Variants in DAB1 observed in about 807,000 individuals in gnomAD.
The protein encoded by DAB1 is disabled homolog 1.
Under a neutral mutation model 64.6 loss-of-function variants are expected in DAB1, and 15 were observed. The observed-to-expected ratio is 0.23, with a 90% CI of 0.16 to 0.36. The LOEUF (loss-of-function observed/expected upper bound fraction) is 0.36, where lower values mean the gene tolerates loss of function less well. Ranked by LOEUF, DAB1 falls within the 10% of genes least tolerant of loss-of-function variation. The pLI, the probability that DAB1 is intolerant of heterozygous loss-of-function variation, is 1.00. For missense variants in DAB1, 596 were observed against 706.7 expected, an observed-to-expected ratio of 0.84 and a Z score of 1.78; for synonymous variants, 235 against 251.9, an observed-to-expected ratio of 0.93 and a Z score of 0.64.
chr1:58,236,219 C>T (rs190408193), intron 4 of DAB1, among the ~76,000 whole-genome samples: 8 of 152,008 alleles, frequency 5.3e-5, no homozygotes, highest in African/African-American at 1.7e-4. Context: ...TTTCTCCCTT[C>T]TTCCAATAAA....
chr1:57,832,364 C>A (rs1349676817), intron 1 of DAB1, among the ~76,000 whole-genome samples: 1 of 152,198 alleles, frequency 6.6e-6, no homozygotes, highest in Non-Finnish European at 1.5e-5. Flanking sequence ...TGGATAGCCA[C>A]TCTTGTCACG....
At chr1:58,412,026 A>C (rs1644677065) in intron 3 of DAB1, among the ~76,000 whole-genome samples, 1 of 152,182 alleles carries the variant, frequency 6.6e-6, no homozygotes, top group African/African-American at 2.4e-5. Flanking sequence ...GCTATGTTGC[A>C]CAAAGAATAA....
intron 3 of DAB1, among the ~76,000 whole-genome samples, chr1:57,136,843 C>T (rs1313212640): frequency 1.3e-5 from 2 of 152,118 alleles, no homozygotes; most frequent in South Asian, 2.1e-4. Flanking sequence ...GTTTCTAACA[C>T]ATTGTATAGA....
At chr1:57,148,293 T>A (rs1260392947) in intron 2 of DAB1, among the ~76,000 whole-genome samples, 1 of 152,166 alleles carries the variant, frequency 6.6e-6, no homozygotes, top group Non-Finnish European at 1.5e-5. Context: ...TAAGAAAATA[T>A]TAGGCCATTT....
chr1:57,004,676 T>G (rs1645999707), intron 14 of DAB1, among the ~76,000 whole-genome samples: 1 of 152,212 alleles, frequency 6.6e-6, no homozygotes. Context: ...GAGTTTTACA[T>G]TCCTTGGCTT....
intron 4 of DAB1, among the ~76,000 whole-genome samples, chr1:58,288,413 C>T (rs1053247056): frequency 1.3e-5 from 2 of 152,070 alleles, no homozygotes; most frequent in Non-Finnish European, 2.9e-5. Context: ...AAAAGGTGCC[C>T]GGTAGCAATC....
intron 5 of DAB1, among the ~76,000 whole-genome samples, chr1:57,967,114 G>T (rs546117115): frequency 1.5e-4 from 23 of 152,300 alleles, no homozygotes; most frequent in African/African-American, 5.3e-4. Context: ...TCAGGGCAAG[G>T]CCTGTTGCAT....
At chr1:58,423,089 A>T (rs1283487549) in intron 3 of DAB1, among the ~76,000 whole-genome samples, 5 of 152,168 alleles carry the variant, frequency 3.3e-5, no homozygotes, top group African/African-American at 1.2e-4. Flanking sequence ...TTCCGAGGCA[A>T]ATAACCTTCT....
chr1:58,239,365 C>G (rs918243769), intron 4 of DAB1, among the ~76,000 whole-genome samples: 1 of 152,142 alleles, frequency 6.6e-6, no homozygotes, highest in African/African-American at 2.4e-5. Context: ...TATTTACCTC[C>G]CATTTGGTTT....
intron 5 of DAB1, among the ~76,000 whole-genome samples, chr1:57,895,802 A>G (rs1644383701): frequency 6.6e-6 from 1 of 152,226 alleles, no homozygotes; most frequent in South Asian, 2.1e-4. Flanking sequence ...CCTCATACCA[A>G]TGGTGTATGC....
At chr1:57,197,654 G>T (rs6697858) in intron 2 of DAB1, among the ~76,000 whole-genome samples, 1 of 152,092 alleles carries the variant, frequency 6.6e-6, no homozygotes, top group African/African-American at 2.4e-5. Context: ...CCAAATCCAC[G>T]GACTACTCAG....
At chr1:58,281,598 T>C (rs1661565745) in intron 4 of DAB1, among the ~76,000 whole-genome samples, 1 of 151,994 alleles carries the variant, frequency 6.6e-6, no homozygotes, top group Non-Finnish European at 1.5e-5. Flanking sequence ...CAGATGTTCC[T>C]CTCCTACTTA....
chr1:58,022,030 A>G (rs1474824141), intron 5 of DAB1, among the ~76,000 whole-genome samples: 1 of 152,188 alleles, frequency 6.6e-6, no homozygotes, highest in Non-Finnish European at 1.5e-5. Context: ...TCATCTTGAT[A>G]GAGAATTTAG....
intron 5 of DAB1, among the ~76,000 whole-genome samples, chr1:57,908,784 T>G (rs982922807): frequency 4.5e-4 from 69 of 152,196 alleles, no homozygotes; most frequent in African/African-American, 1.6e-3. Context: ...GGCCCTGGGC[T>G]TCTGTGGTGA....
At chr1:57,061,233 G>GGGC (rs1557650855) in intron 9 of DAB1, among the ~76,000 whole-genome samples, 1 of 150,948 alleles carries the variant, frequency 6.6e-6, no homozygotes, top group Non-Finnish European at 1.5e-5. Flanking sequence ...TTAGATGGGG[G>GGGC]GGGGGGGTGG....
chr1:57,512,888 C>A (rs1168121527), intron 7 of DAB1, among the ~76,000 whole-genome samples: 3 of 152,114 alleles, frequency 2.0e-5, no homozygotes, highest in African/African-American at 4.8e-5. Flanking sequence ...GGGGCATGAC[C>A]CATTTCCGTG....
chr1:57,094,753 T>C (rs144590053), intron 4 of DAB1, among the ~76,000 whole-genome samples: 1 of 152,314 alleles, frequency 6.6e-6, no homozygotes, highest in Non-Finnish European at 1.5e-5. Context: ...CTATGCTCAA[T>C]TCTGTCTCTC....
intron 2 of DAB1, among the ~76,000 whole-genome samples, chr1:57,265,723 T>A (rs1670538213): frequency 6.6e-6 from 1 of 152,168 alleles, no homozygotes; most frequent in African/African-American, 2.4e-5. Context: ...ACGGCCAATA[T>A]AAATAGATCT....
intron 6 of DAB1, among the ~76,000 whole-genome samples, chr1:57,751,490 C>G (rs1392355825): frequency 6.6e-6 from 1 of 152,104 alleles, no homozygotes; most frequent in Non-Finnish European, 1.5e-5. Flanking sequence ...CAGTTCCAGT[C>G]CTTACAGTAA....
Sources: gnomAD v4.1 joint callset for allele counts (sites outside exome capture counted in the v4.1 genomes callset) on GRCh38, gnomAD v4.1.1 for gene constraint, MANE v1.5 for transcripts, NCBI Gene and HGNC (gene_info 2026-07-23, HGNC 2026-07-21) for gene names.